Variants in ADAMTS12 observed in about 807,000 individuals in gnomAD.
ADAMTS12 encodes the protein A disintegrin and metalloproteinase with thrombospondin motifs 12.
In ADAMTS12, 118 loss-of-function variants were observed where a neutral mutation model predicts 167.8. The observed-to-expected ratio is 0.70, with a 90% CI of 0.61 to 0.82. ADAMTS12 has a LOEUF of 0.82. Among genes scored for constraint, ADAMTS12 ranks in the 40% least tolerant of loss-of-function variants. ADAMTS12 has a pLI of 0.00. For synonymous variants in ADAMTS12, 704 were observed against 716.9 expected, an observed-to-expected ratio of 0.98 and a Z score of 0.29; for missense variants, 1,916 against 1,998.8, an observed-to-expected ratio of 0.96 and a Z score of 0.79.
intron 7 of ADAMTS12, among the ~76,000 whole-genome samples, chr5:33,650,866 A>AC (rs1180804613): frequency 1.6e-4 from 25 of 152,264 alleles, no homozygotes; most frequent in Non-Finnish European, 3.2e-4. Flanking sequence ...AATCTGTATG[A>AC]CCTTTTACTC....
chr5:33,630,156 T>C (rs1739853687), intron 13 of ADAMTS12, among the ~76,000 whole-genome samples: 1 of 152,206 alleles, frequency 6.6e-6, no homozygotes, highest in South Asian at 2.1e-4. Flanking sequence ...TAAACTGAGA[T>C]TTATGCCTGG....
chr5:33,749,474 A>G (rs920651742), intron 3 of ADAMTS12, among the ~76,000 whole-genome samples: 3 of 152,004 alleles, frequency 2.0e-5, no homozygotes, highest in Admixed American at 2.0e-4. Context: ...AGAGCTGTTC[A>G]ATTCTGACAC....
chr5:33,883,637 A>G (rs1368364169), intron 1 of ADAMTS12, among the ~76,000 whole-genome samples: 1 of 152,164 alleles, frequency 6.6e-6, no homozygotes. Flanking sequence ...CTAAAACAAT[A>G]ATACAAAGTT....
intron 3 of ADAMTS12, among the ~76,000 whole-genome samples, chr5:33,706,931 A>G (rs1315025083): frequency 6.6e-6 from 1 of 152,192 alleles, no homozygotes; most frequent in Non-Finnish European, 1.5e-5. Context: ...CCTATTCAGC[A>G]TAGTATTGGA....
chr5:33,860,679 C>T (rs1749575362), intron 2 of ADAMTS12, among the ~76,000 whole-genome samples: 1 of 152,160 alleles, frequency 6.6e-6, no homozygotes, highest in East Asian at 1.9e-4. Context: ...CAAAGATACT[C>T]CTTGAAAAGA....
At chr5:33,549,467 G>A (rs1177072871) in intron 20 of ADAMTS12, 84 bp from the exon 21 acceptor site, 1 of 1,493,720 alleles carries the variant, frequency 6.7e-7, no homozygotes, top group Non-Finnish European at 9.1e-7. Context: ...GGAGGCGCCA[G>A]GCATTCAGTC....
intron 2 of ADAMTS12, among the ~76,000 whole-genome samples, chr5:33,760,036 A>C (rs948851293): frequency 6.6e-6 from 1 of 152,226 alleles, no homozygotes; most frequent in Non-Finnish European, 1.5e-5. Flanking sequence ...GCAGAGATTC[A>C]GCAAATCTAG....
At chr5:33,774,848 A>T (rs1038450240) in intron 2 of ADAMTS12, among the ~76,000 whole-genome samples, 3 of 152,186 alleles carry the variant, frequency 2.0e-5, no homozygotes, top group African/African-American at 7.2e-5. Flanking sequence ...GAGTTAATTA[A>T]ACTTTCCCAA....
At chr5:33,728,015 C>T (rs966959475) in intron 3 of ADAMTS12, among the ~76,000 whole-genome samples, 2 of 152,100 alleles carry the variant, frequency 1.3e-5, no homozygotes, top group African/African-American at 4.8e-5. Context: ...AAGATTGCAA[C>T]CCCTCTTATT....
chr5:33,674,930 G>A (rs1238584025), intron 5 of ADAMTS12, among the ~76,000 whole-genome samples: 2 of 152,098 alleles, frequency 1.3e-5, no homozygotes, highest in East Asian at 3.9e-4. Context: ...AGGTGATTAA[G>A]AGCCCTTGTA....
intron 2 of ADAMTS12, among the ~76,000 whole-genome samples, chr5:33,833,940 C>T (rs1748410380): frequency 6.6e-6 from 1 of 152,194 alleles, no homozygotes; most frequent in Non-Finnish European, 1.5e-5. Flanking sequence ...CACAGAGTGG[C>T]TTAATCAACA....
intron 2 of ADAMTS12, among the ~76,000 whole-genome samples, chr5:33,785,572 C>T (rs1003100727): frequency 6.6e-6 from 1 of 152,094 alleles, no homozygotes; most frequent in African/African-American, 2.4e-5. Context: ...AGATATGCAA[C>T]ATCATTAATT....
chr5:33,663,088 G>A (rs1006680013), intron 5 of ADAMTS12, among the ~76,000 whole-genome samples: 5 of 152,220 alleles, frequency 3.3e-5, no homozygotes, highest in East Asian at 1.9e-4. Context: ...AGGTCTCCTC[G>A]TCATAAGTAA....
intron 2 of ADAMTS12, among the ~76,000 whole-genome samples, chr5:33,814,055 C>T (rs1440076886): frequency 6.6e-6 from 1 of 152,124 alleles, no homozygotes; most frequent in African/African-American, 2.4e-5. Flanking sequence ...AATATTTTCT[C>T]CCAATCTGTG....
chr5:33,725,710 C>T (rs548303857), intron 3 of ADAMTS12, among the ~76,000 whole-genome samples: 8 of 152,320 alleles, frequency 5.3e-5, no homozygotes, highest in Middle Eastern at 3.4e-3. Context: ...GAAGCCCTCA[C>T]GTTGTGAAGT....
chr5:33,796,489 C>T (rs1579943885), intron 2 of ADAMTS12, among the ~76,000 whole-genome samples: 1 of 152,168 alleles, frequency 6.6e-6, no homozygotes, highest in East Asian at 1.9e-4. Context: ...TTATATACAC[C>T]TGCAGTGCCT....
At chr5:33,797,451 T>G (rs1746822533) in intron 2 of ADAMTS12, among the ~76,000 whole-genome samples, 1 of 151,728 alleles carries the variant, frequency 6.6e-6, no homozygotes. Flanking sequence ...AATAAAACTC[T>G]TATACAACCA....
In ADAMTS12 at chr5:33,642,038, C is replaced by G; in HGVS notation, c.1573-83G>C. The G allele has an allele frequency of 2.2e-6, 3 of 1,345,950 alleles. No homozygotes were observed. The South Asian group carries it at 5.4e-5, about 24-fold the overall frequency. 83.4% of individuals were successfully genotyped at this position (1,345,950 alleles called of 1,614,324 possible). ...GCCAAGAGCCCTAAAAGTCTAAACC[C>G]AATTCTCTGCAAGCAAGCCGGCTTT... On this transcript the variant is annotated intron_variant, in intron 10 of 23. Coordinates refer to ENST00000504830, the MANE Select transcript of ADAMTS12 (RefSeq NM_030955.4).
At chr5:33,834,706 G>T (rs1748440541) in intron 2 of ADAMTS12, among the ~76,000 whole-genome samples, 1 of 152,168 alleles carries the variant, frequency 6.6e-6, no homozygotes, top group Non-Finnish European at 1.5e-5. Flanking sequence ...CAAGTTCCCT[G>T]GGCAGGTATG....
Sources: allele counts gnomAD v4.1 joint callset (sites outside exome capture counted in the v4.1 genomes callset), GRCh38; gene constraint gnomAD v4.1.1; transcripts MANE v1.5; gene names NCBI Gene and HGNC (gene_info 2026-07-23, HGNC 2026-07-21).